The following MAPK14 variants were observed in gnomAD, a reference collection of about 807,000 sequenced individuals.
MAPK14 encodes the protein mitogen-activated protein kinase 14.
MAPK14 carries 16 observed loss-of-function variants against 49.6 expected under a neutral mutation model. The observed-to-expected ratio is 0.32, with a 90% CI of 0.22 to 0.49. The LOEUF (loss-of-function observed/expected upper bound fraction) is 0.49, where lower values mean the gene tolerates loss of function less well. Ranked by LOEUF, MAPK14 falls within the 20% of genes least tolerant of loss-of-function variation. MAPK14 has a pLI of 0.99. For synonymous variants in MAPK14, 142 were observed against 158.0 expected, an observed-to-expected ratio of 0.90 and a Z score of 0.76; for missense variants, 200 against 441.2, an observed-to-expected ratio of 0.45 and a Z score of 4.90.
chr6:36,040,662 C>T (rs374256954), intron 1 of MAPK14, among the ~76,000 whole-genome samples: 2 of 151,998 alleles, frequency 1.3e-5, no homozygotes, highest in African/African-American at 4.8e-5. Context: ...ACCCAATTTT[C>T]ATGAATAATT....
Position 36,108,566 on chromosome 6 carries a change from G to A in MAPK14, c.*119G>A. ...CAGAGATTTCCTCCATGGTGGAAGG[G>A]GGTGTGCGTGCGTGTGCGTGCGTGT... On this transcript the variant is annotated 3_prime_UTR_variant, in exon 12 of 12. Transcript: ENST00000229794. The A allele has an allele frequency of 1.2e-6, 1 of 802,436 alleles. No individual in the cohort carries two copies. The highest frequency in any genetic ancestry group is 1.4e-5 in the South Asian group (1 of 70,520). 49.7% of individuals were successfully genotyped at this position (802,436 alleles called of 1,614,324 possible). A position where few individuals can be genotyped will look rare whatever the true frequency, so the allele number is the denominator to read the frequency against.
At chr6:36,111,557 G>C (rs1390802408), downstream of MAPK14, among the ~76,000 whole-genome samples, 2 of 152,172 alleles carry the variant, frequency 1.3e-5, no homozygotes, top group Non-Finnish European at 2.9e-5. Context: ...TTATGACTCT[G>C]TTTTGTCTTA....
chr6:36,045,448 G>T (rs534811062), intron 1 of MAPK14, among the ~76,000 whole-genome samples: 1 of 152,120 alleles, frequency 6.6e-6, no homozygotes, highest in East Asian at 1.9e-4. Context: ...AACTGATTCT[G>T]TTCTCTTTGT....
intron 10 of MAPK14, among the ~76,000 whole-genome samples, chr6:36,104,660 T>C (rs1307509852): frequency 1.3e-5 from 2 of 152,350 alleles, no homozygotes; most frequent in African/African-American, 2.4e-5. Context: ...GTGCTGGGAT[T>C]ACAGGCATGA....
At position 36,107,450 on chromosome 6, in the gene MAPK14, G is replaced by T; in HGVS notation, c.842-5G>T. On this transcript the variant is annotated splice_polypyrimidine_tract_variant and splice_region_variant and intron_variant, in intron 10 of 11. Transcript: ENST00000229794. The surrounding 1 kb of genome is among the most constrained non-coding windows in gnomAD (Gnocchi z 4.3). ...TCTTTTCCTTCCTGTCTATGGTACT[G>T]ATAGCTGTCGACTTGCTGGAGAAGA... 6.5e-7 allele frequency: 1 copy of T among 1,531,804 alleles called. No individual in the cohort carries two copies. The highest frequency in any genetic ancestry group is 8.8e-7 in the Non-Finnish European group (1 of 1,138,284). 94.9% of individuals were successfully genotyped at this position (1,531,804 alleles called of 1,614,324 possible).
intron 8 of MAPK14, among the ~76,000 whole-genome samples, chr6:36,087,677 AG>A (rs1215684313): frequency 6.6e-6 from 1 of 152,246 alleles, no homozygotes; most frequent in Non-Finnish European, 1.5e-5. Flanking sequence ...GCTCATGGAT[AG>A]GAAGAATCAA....
chr6:36,057,293 CTA>C (rs1234542382), intron 2 of MAPK14, among the ~76,000 whole-genome samples: 2 of 152,086 alleles, frequency 1.3e-5, no homozygotes, highest in African/African-American at 4.8e-5. Context: ...GGATATAAAA[CTA>C]TGCATGGTGT....
rs202121162 is a variant in MAPK14, at chr6:36,110,296, A to C, written c.*1849A>C. On this transcript the variant is annotated 3_prime_UTR_variant, in exon 12 of 12. Coordinates refer to ENST00000229794, the MANE Select transcript of MAPK14 (RefSeq NM_139012.3). ...CCTGAGTCAACTGGAGCAAGAAGGA[A>C]GGAGGCAGACTGATGGCGATTCCCT... 2 of 152,602 alleles carry C rather than the reference A, an allele frequency of 1.3e-5. No individual in the cohort carries two copies. Among genetic ancestry groups the C allele is most frequent in the African/African-American group, 2.4e-5 (1 of 41,456 alleles). 9.5% of individuals were successfully genotyped at this position (152,602 alleles called of 1,614,324 possible).
At chr6:36,119,893 T>C in the MAPK14 span, among the ~76,000 whole-genome samples, 1 of 152,156 alleles carries the variant, frequency 6.6e-6, no homozygotes, top group African/African-American at 2.4e-5. Flanking sequence ...TGCAAAACGA[T>C]CTATCTGGCA....
intron 6 of MAPK14, among the ~76,000 whole-genome samples, chr6:36,075,492 T>TA (rs1051987979): frequency 6.6e-6 from 1 of 152,180 alleles, no homozygotes; most frequent in African/African-American, 2.4e-5. Context: ...TTTATGAACA[T>TA]AACAGAATTT....
intron 3 of MAPK14, among the ~76,000 whole-genome samples, chr6:36,060,210 A>G (rs1009839079): frequency 6.6e-6 from 1 of 152,148 alleles, no homozygotes; most frequent in Non-Finnish European, 1.5e-5. Flanking sequence ...TGCACCTCAG[A>G]TGGGGATCAT....
intron 8 of MAPK14, among the ~76,000 whole-genome samples, chr6:36,082,957 G>A (rs1171722741): frequency 6.6e-6 from 1 of 152,062 alleles, no homozygotes; most frequent in South Asian, 2.1e-4. Flanking sequence ...TTTTTCTTGG[G>A]TTTTGTAATT....
chr6:36,052,473 T>C (rs985839326), intron 1 of MAPK14, among the ~76,000 whole-genome samples: 17 of 152,344 alleles, frequency 1.1e-4, no homozygotes, highest in African/African-American at 3.8e-4. Context: ...AAAAATTTGC[T>C]GACTTCTGAT....
rs1392956340 is a variant in MAPK14 at position 36,108,859 on chromosome 6, G to A, written c.*412G>A. 9.7e-6 allele frequency: 2 copies of A among 206,424 alleles called. No homozygotes were observed. The highest frequency in any genetic ancestry group is 2.3e-5 in the African/African-American group (1 of 42,772). The allele number at this position is 206,424 out of a possible 1,614,324, so 12.8% of individuals were successfully genotyped here. A position where few individuals can be genotyped will look rare whatever the true frequency, so the allele number is the denominator to read the frequency against. On this transcript the variant is annotated 3_prime_UTR_variant, in exon 12 of 12. Transcript: ENST00000229794. ...TGTGACCCCACCTTGACGGTGGGGCGTAGACTTGACAACATCCCACAGTGG... is the reference window on the plus strand; with the variant it reads ...TGTGACCCCACCTTGACGGTGGGGCATAGACTTGACAACATCCCACAGTGG...
intron 10 of MAPK14, among the ~76,000 whole-genome samples, chr6:36,104,422 C>G (rs1410574648): frequency 6.6e-6 from 1 of 151,990 alleles, no homozygotes; most frequent in Non-Finnish European, 1.5e-5. Context: ...GAGTCTCGCT[C>G]TGTCGTCCAG....
intron 8 of MAPK14, among the ~76,000 whole-genome samples, chr6:36,089,454 T>C (rs188814022): frequency 5.3e-5 from 8 of 152,296 alleles, no homozygotes; most frequent in African/African-American, 1.9e-4. Flanking sequence ...ACCTAGGTGA[T>C]GGATTGATAG....
At chr6:36,059,645 GTT>G (rs1426282767) in intron 3 of MAPK14, among the ~76,000 whole-genome samples, 2 of 152,014 alleles carry the variant, frequency 1.3e-5, no homozygotes, top group Admixed American at 1.3e-4. Context: ...TTTTCAAAGT[GTT>G]TATCCCAGGT....
intron 8 of MAPK14, among the ~76,000 whole-genome samples, chr6:36,088,521 G>A (rs547151389): frequency 2.0e-5 from 3 of 152,232 alleles, no homozygotes; most frequent in South Asian, 4.1e-4. Context: ...AGGAGATCGA[G>A]ATCATCCTGA....
At chr6:36,115,927 C>CA (rs60613902), downstream of MAPK14, among the ~76,000 whole-genome samples, 775 of 106,304 alleles carry the variant, frequency 7.3e-3, 10 homozygotes, top group South Asian at 0.047. Flanking sequence ...GACTCCGTCT[C>CA]AAAAAAAAAA....
Sources: allele counts gnomAD v4.1 joint callset (sites outside exome capture counted in the v4.1 genomes callset), GRCh38; gene constraint gnomAD v4.1.1; non-coding constraint Gnocchi (gnomAD v3.1); transcripts MANE v1.5; gene names NCBI Gene and HGNC (gene_info 2026-07-23, HGNC 2026-07-21).